Variants in ALDH4A1 observed in about 807,000 individuals in gnomAD.
ALDH4A1 encodes aldehyde dehydrogenase 4 family member A1, also known as delta-1-pyrroline-5-carboxylate dehydrogenase, mitochondrial.
In ALDH4A1, 46 loss-of-function variants were observed where a neutral mutation model predicts 70.5. That is an observed-to-expected ratio of 0.65 (90% CI 0.51 to 0.83). The LOEUF (loss-of-function observed/expected upper bound fraction) is 0.83. Ranked by LOEUF, ALDH4A1 falls within the 40% of genes least tolerant of loss-of-function variation. ALDH4A1 has a pLI of 0.00. For missense variants in ALDH4A1, 749 were observed against 766.5 expected, an observed-to-expected ratio of 0.98 and a Z score of 0.27; for synonymous variants, 323 against 324.3, an observed-to-expected ratio of 1.00 and a Z score of 0.04.
intron 4 of ALDH4A1, 74 bp downstream of exon 4, chr1:18,886,390 A>C (rs1935201181): frequency 1.3e-6 from 2 of 1,531,334 alleles, no homozygotes; most frequent in Non-Finnish European, 9.0e-7. Flanking sequence ...TGCCCCCGCC[A>C]TATCAGCAGC....
Position 18,872,566 on chromosome 1 carries a change from C to A in ALDH4A1, c.*279G>T. 3.0e-6 allele frequency: 1 copy of A among 331,282 alleles called. No individual in the cohort carries two copies. Among genetic ancestry groups the A allele is most frequent in the Non-Finnish European group, 5.6e-6 (1 of 178,616 alleles). 20.5% of individuals were successfully genotyped at this position (331,282 alleles called of 1,614,324 possible). ...CCCCAGGTCCCTGAGCCACTGGGCC[C>A]AGTGGAGGGCAGAGGGAGAACCTGC... On this transcript the variant is annotated 3_prime_UTR_variant, in exon 15 of 15. Coordinates refer to ENST00000375341, the MANE Select transcript of ALDH4A1 (RefSeq NM_003748.4).
In ALDH4A1 at chr1:18,879,376, G is replaced by A; in HGVS notation, c.867-3C>T. 3 of 1,609,690 alleles carry A rather than the reference G, an allele frequency of 1.9e-6. No homozygotes were observed. Among genetic ancestry groups the A allele is most frequent in the Non-Finnish European group, 1.7e-6 (2 of 1,178,172 alleles). Reference sequence around the variant, plus strand: ...GCTTCCACAGGTGTTTGAAGGTGCTGGAACCACAGGAGAAAGGGTGGGGTT... The same window carrying A: ...GCTTCCACAGGTGTTTGAAGGTGCTAGAACCACAGGAGAAAGGGTGGGGTT... On this transcript the variant is annotated splice_polypyrimidine_tract_variant and splice_region_variant and intron_variant, in intron 8 of 14. Coordinates refer to ENST00000375341, the MANE Select transcript of ALDH4A1 (RefSeq NM_003748.4).
intron 7 of ALDH4A1, chr1:18,882,741 G>T: frequency 1.7e-6 from 1 of 572,366 alleles, no homozygotes. Flanking sequence ...GGTGAGCACT[G>T]AAGGTCAGCG....
intron 1 of ALDH4A1, among the ~76,000 whole-genome samples, chr1:18,894,799 C>T (rs942936935): frequency 6.6e-6 from 1 of 151,336 alleles, no homozygotes; most frequent in African/African-American, 2.4e-5. Context: ...CAGCCTGAGT[C>T]GACTGCAGCT....
chr1:18,885,448 C>CCCCCCCCCCCCCCCCCCCCCA, intron 5 of ALDH4A1, 25 bp downstream of exon 5: 1 of 1,240,856 alleles, frequency 8.1e-7, no homozygotes, highest in Non-Finnish European at 1.1e-6. Context: ...CCCGCCCCAC[C>CCCCCCCCCCCCCCCCCCCCCA]CACCCGGGCC....
intron 11 of ALDH4A1, 67 bp downstream of exon 11, chr1:18,877,141 C>T (rs1934729899): frequency 6.4e-7 from 1 of 1,561,830 alleles, no homozygotes; most frequent in Non-Finnish European, 8.7e-7. Context: ...CCCTGTATCT[C>T]TTCCTCCCTC....
chr1:18,902,529 G>A lies in ALDH4A1; in HGVS notation c.-6C>T. On this transcript the variant is annotated 5_prime_UTR_variant, in exon 1 of 15. Transcript: ENST00000375341. ...GCGGGCGCCGGCAGCAGCATCTCGGGTTAGAAGCGGGGCTGTTCGCTGGAT... is the reference window on the plus strand; with the variant it reads ...GCGGGCGCCGGCAGCAGCATCTCGGATTAGAAGCGGGGCTGTTCGCTGGAT... 1.3e-6 allele frequency: 2 copies of A among 1,487,762 alleles called. No homozygotes were observed. The highest frequency in any genetic ancestry group is 2.7e-5 in the East Asian group (1 of 36,890). The allele number at this position is 1,487,762 out of a possible 1,614,324, so 92.2% of individuals were successfully genotyped here.
chr1:18,901,618 G>A (rs1387588130), intron 1 of ALDH4A1, among the ~76,000 whole-genome samples: 1 of 152,164 alleles, frequency 6.6e-6, no homozygotes, highest in East Asian at 1.9e-4. Context: ...TTTGCAAATC[G>A]GGATTTGAAG....
chr1:18,882,754 A>C, intron 7 of ALDH4A1: 1 of 574,318 alleles, frequency 1.7e-6, no homozygotes, highest in East Asian at 4.2e-5. Flanking sequence ...GGTCAGCGGT[A>C]ATGATCATCA....
intron 1 of ALDH4A1, chr1:18,890,785 G>C: frequency 1.0e-6 from 1 of 985,480 alleles, no homozygotes; most frequent in Non-Finnish European, 1.2e-6. Context: ...TCTCCCACAA[G>C]GCAGGCTTTA....
chr1:18,889,003 C>T (rs1418716215), intron 3 of ALDH4A1, among the ~76,000 whole-genome samples: 1 of 152,252 alleles, frequency 6.6e-6, no homozygotes, highest in Non-Finnish European at 1.5e-5. Context: ...AAACTCCAAG[C>T]ATGGGGGCTT....
rs1934631257 is a variant in ALDH4A1 at position 18,875,384 on chromosome 1, A to G, written c.1458T>C (p.Asp486=). The part of the protein sequence containing the change: ...YGLTGAVFSQ[D]KDVVQEATKV... Reference sequence around the variant, plus strand: ...AGGGCTGCGGCCTGGCCACTCACTTATCCTGGGAGAACACTGCCCCCGTGA... The same window carrying G: ...AGGGCTGCGGCCTGGCCACTCACTTGTCCTGGGAGAACACTGCCCCCGTGA... The change falls in exon 13 of 15, where the codon GAT becomes GAC. Residue 486 remains aspartate (D), a splice_region_variant and synonymous_variant. Transcript: ENST00000375341. 1 of 1,614,046 alleles carries G rather than the reference A, an allele frequency of 6.2e-7. No homozygotes were observed. The highest frequency in any genetic ancestry group is 8.5e-7 in the Non-Finnish European group (1 of 1,179,996).
chr1:18,888,144 T>C (rs1393775622), intron 3 of ALDH4A1, among the ~76,000 whole-genome samples: 2 of 152,228 alleles, frequency 1.3e-5, no homozygotes, highest in Non-Finnish European at 2.9e-5. Flanking sequence ...GAACGGACAA[T>C]GCAGATCTGG....
Position 18,880,989 on chromosome 1 carries a change from G to A in ALDH4A1, c.866+711C>T, listed in dbSNP as rs950218485. ...TATGGTCACTGAACCACTCCCTGCC[G>A]CCACCTCCAGCCTGAGAGCCGGGAC... On this transcript the variant is annotated intron_variant, in intron 8 of 14. Transcript: ENST00000375341. This position sits in a 1 kb window ranked among gnomAD's most constrained non-coding sequence, Gnocchi z 5.1. 1.3e-5 allele frequency among the ~76,000 whole-genome samples: 2 copies of A among 151,938 alleles called. No homozygotes were observed. Among genetic ancestry groups the A allele is most frequent in the Admixed American group, 6.6e-5 (1 of 15,252 alleles).
intron 3 of ALDH4A1, among the ~76,000 whole-genome samples, chr1:18,889,073 C>T (rs1935332177): frequency 6.6e-6 from 1 of 152,226 alleles, no homozygotes; most frequent in South Asian, 2.1e-4. Context: ...GTCATTAGCT[C>T]CCAAACCCCC....
At chr1:18,885,144 G>A (rs1442809984) in intron 5 of ALDH4A1, 2 of 382,732 alleles carry the variant, frequency 5.2e-6, no homozygotes, top group South Asian at 2.6e-5. Flanking sequence ...TGAGGGCGGC[G>A]AGGGGCTGAC....
At chr1:18,892,560 G>GT (rs927632906) in intron 1 of ALDH4A1, among the ~76,000 whole-genome samples, 3 of 151,708 alleles carry the variant, frequency 2.0e-5, no homozygotes, top group African/African-American at 7.3e-5. Flanking sequence ...GAAGGAGGCG[G>GT]GGGGGGGCTG....
In ALDH4A1 at chr1:18,880,293, C is replaced by CG. The variant is rs1934918302; in HGVS notation, c.867-921dup. ...CAGGCATCTCCACCCAGATAACACC[C>CG]GAAGTGACCAACAGGAGATTCATCT... On this transcript the variant is annotated intron_variant, in intron 8 of 14. Coordinates refer to ENST00000375341, the MANE Select transcript of ALDH4A1 (RefSeq NM_003748.4). The surrounding 1 kb of genome is among the most constrained non-coding windows in gnomAD (Gnocchi z 5.1). Among the ~76,000 whole-genome samples, 1 of 152,144 alleles carries CG rather than the reference C, an allele frequency of 6.6e-6. No individual in the cohort carries two copies. Among genetic ancestry groups the CG allele is most frequent in the Non-Finnish European group, 1.5e-5 (1 of 67,996 alleles).
At chr1:18,896,613 C>T (rs945852327) in intron 1 of ALDH4A1, among the ~76,000 whole-genome samples, 4 of 152,176 alleles carry the variant, frequency 2.6e-5, no homozygotes, top group Non-Finnish European at 4.4e-5. Context: ...AAAGGCCCAG[C>T]CAGGCAAAGT....
Sources: gnomAD v4.1 joint callset for allele counts (sites outside exome capture counted in the v4.1 genomes callset) on GRCh38, gnomAD v4.1.1 for gene constraint, Gnocchi (gnomAD v3.1) non-coding constraint, MANE v1.5 for transcripts, NCBI Gene and HGNC (gene_info 2026-07-23, HGNC 2026-07-21) for gene names.